BRSK2: variants seen among roughly 807,000 people sequenced by gnomAD.
The protein encoded by BRSK2 is serine/threonine-protein kinase BRSK2.
A neutral mutation model predicts 83.3 loss-of-function variants in BRSK2; 19 were observed. That is an observed-to-expected ratio of 0.23 (90% CI 0.16 to 0.33). BRSK2 has a LOEUF of 0.33. Ranked by LOEUF, BRSK2 falls within the 10% of genes least tolerant of loss-of-function variation. BRSK2 has a pLI of 1.00. For synonymous variants in BRSK2, 519 were observed against 435.4 expected (o/e 1.19, Z -2.39); for missense variants, 798 against 1,042.3 (o/e 0.77, Z 3.23).
At chr11:1,446,028 A>ATGGGCTAAAC (rs1282493170) in intron 12 of BRSK2, 121 bp downstream of exon 12, 101 of 1,143,248 alleles carry the variant, frequency 8.8e-5, no homozygotes, top group Non-Finnish European at 1.1e-4. Context: ...GTGGGGCTGT[A>ATGGGCTAAAC]TGGGCTAAAC....
At chr11:1,435,014 G>T (rs568882912) in intron 1 of BRSK2, among the ~76,000 whole-genome samples, 10 of 151,668 alleles carry the variant, frequency 6.6e-5, no homozygotes, top group Non-Finnish European at 1.5e-5. Flanking sequence ...AGGCGCGGAG[G>T]GGGACCGGGA....
chr11:1,401,172 C>T (rs1199919051), intron 1 of BRSK2, among the ~76,000 whole-genome samples: 1 of 152,348 alleles, frequency 6.6e-6, no homozygotes, highest in African/African-American at 2.4e-5. Flanking sequence ...CCGCAGGCCT[C>T]TAGGCTCCCG....
rs112377266 is a variant in BRSK2 at position 1,454,158 on chromosome 11, GGGGGGGCTCACCTGT to G, written c.1545-309_1545-295del. The G allele has an allele frequency of 5.5e-3, 978 of 178,138 alleles. 6 individuals are homozygous for G. Among genetic ancestry groups the G allele is most frequent in the African/African-American group, 0.02 (789 of 38,982 alleles). The allele number at this position is 178,138 out of a possible 1,614,324, so 11.0% of individuals were successfully genotyped here. A position where few individuals can be genotyped will look rare whatever the true frequency, so the allele number is the denominator to read the frequency against. ...CCACCTCTCACAGCGGCCTTGGTGA[GGGGGGGCTCACCTGT>G]GGGGGGCTCACCTGTGGAGGGGCAT... On this transcript the variant is annotated intron_variant, in intron 15 of 19. Coordinates refer to ENST00000528841, the MANE Select transcript of BRSK2 (RefSeq NM_001256627.2). The surrounding 1 kb of genome is among the most constrained non-coding windows in gnomAD (Gnocchi z 5.2).
chr11:1,397,349 C>T (rs566993183), intron 1 of BRSK2, among the ~76,000 whole-genome samples: 11 of 152,196 alleles, frequency 7.2e-5, no homozygotes, highest in African/African-American at 1.7e-4. Flanking sequence ...TTTCAGGGCC[C>T]GGCCTGCCAG....
chr11:1,411,312 G>C (rs1847470359), intron 1 of BRSK2: 1 of 1,344,644 alleles, frequency 7.4e-7, no homozygotes, highest in African/African-American at 1.5e-5. Context: ...GCCCGGGTGG[G>C]GTCCTGAAGC....
chr11:1,442,724 C>T (rs1851513290), intron 5 of BRSK2, 118 bp downstream of exon 5: 1 of 815,162 alleles, frequency 1.2e-6, no homozygotes, highest in African/African-American at 1.7e-5. Flanking sequence ...ACAGGCAGGC[C>T]CCCCACAATG....
At chr11:1,404,778 C>T (rs1034499608) in intron 1 of BRSK2, among the ~76,000 whole-genome samples, 1 of 152,242 alleles carries the variant, frequency 6.6e-6, no homozygotes, top group Admixed American at 6.5e-5. Context: ...GCCCACTAAG[C>T]AGCTCTATTC....
chr11:1,407,935 T>C (rs1847016342), intron 1 of BRSK2, among the ~76,000 whole-genome samples: 1 of 152,156 alleles, frequency 6.6e-6, no homozygotes, highest in African/African-American at 2.4e-5. Flanking sequence ...GAAGGCCGCC[T>C]GGGTCTCCTG....
chr11:1,426,307 G>A (rs1439997579), intron 1 of BRSK2, among the ~76,000 whole-genome samples: 7 of 152,040 alleles, frequency 4.6e-5, no homozygotes, highest in African/African-American at 1.4e-4. Flanking sequence ...TGTGTGGGGC[G>A]TGCTCTGGGG....
chr11:1,439,387 G>A (rs1204284639), intron 3 of BRSK2, among the ~76,000 whole-genome samples: 1 of 152,118 alleles, frequency 6.6e-6, no homozygotes, highest in Non-Finnish European at 1.5e-5. Flanking sequence ...ATGAGCAGGG[G>A]CTCAGAAACT....
intron 1 of BRSK2, among the ~76,000 whole-genome samples, chr11:1,408,695 CAGGTG>C (rs1847088323): frequency 6.6e-6 from 1 of 152,100 alleles, no homozygotes; most frequent in African/African-American, 2.4e-5. Context: ...GAGAGTGAGT[CAGGTG>C]GGGTGTGTGT....
chr11:1,456,280 C>T lies in BRSK2; in HGVS notation c.1669-68C>T. On this transcript the variant is annotated intron_variant, in intron 16 of 19. Transcript: ENST00000528841. ...ACGGTGGGGCTGGCTCGCCCCAGGGCTGCCTCCCCAGAGGGCCAGGGTGGG... is the reference window on the plus strand; with the variant it reads ...ACGGTGGGGCTGGCTCGCCCCAGGGTTGCCTCCCCAGAGGGCCAGGGTGGG... 11 of 1,447,316 alleles carry T rather than the reference C, an allele frequency of 7.6e-6. No homozygotes were observed. In the South Asian group the frequency reaches 1.3e-4, roughly 17 times the overall value. The allele number at this position is 1,447,316 out of a possible 1,614,324, so 89.7% of individuals were successfully genotyped here. A position where few individuals can be genotyped will look rare whatever the true frequency, so the allele number is the denominator to read the frequency against.
chr11:1,407,204 G>A (rs1846943834), intron 1 of BRSK2, among the ~76,000 whole-genome samples: 1 of 152,132 alleles, frequency 6.6e-6, no homozygotes, highest in Non-Finnish European at 1.5e-5. Flanking sequence ...CCCCACATCT[G>A]ATGTCTCCTT....
chr11:1,399,049 C>T (rs1881507), intron 1 of BRSK2, among the ~76,000 whole-genome samples: 6,408 of 152,304 alleles, frequency 0.042, 487 homozygotes, highest in East Asian at 0.31. Flanking sequence ...TGCGGAATGA[C>T]TCCGTCCCTT....
At chr11:1,456,754 G>C in intron 18 of BRSK2, 67 bp downstream of exon 18, 1 of 1,496,710 alleles carries the variant, frequency 6.7e-7, no homozygotes, top group Non-Finnish European at 9.0e-7. Flanking sequence ...GGTGCTGCGC[G>C]GACGGGAGGC....
Position 1,456,481 on chromosome 11 carries a change from C to T in BRSK2, c.1802C>T (p.Ala601Val), listed in dbSNP as rs750326699. The T allele has an allele frequency of 3.2e-5, 50 of 1,575,050 alleles. No individual in the cohort carries two copies. The highest frequency in any genetic ancestry group is 4.2e-5 in the Non-Finnish European group (49 of 1,159,232). ...ATCACCTACACGGAGGGTGGGGAGG[C>T]GCAGAAGGAGAACGGCATCTACTCC... ...VDITYTEGGE[A>V]QKENGIYSVT... Residue 601 changes from alanine to valine, a missense_variant, in exon 17 of 20, where the codon GCG becomes GTG. Transcript: ENST00000528841.
chr11:1,447,693 A>T, intron 12 of BRSK2: 1 of 1,041,260 alleles, frequency 9.6e-7, no homozygotes, highest in Non-Finnish European at 1.4e-6. Flanking sequence ...CAGCGGCCTC[A>T]GAGCCACGTG....
chr11:1,453,399 C>T (rs886220059), intron 15 of BRSK2, among the ~76,000 whole-genome samples: 2 of 152,236 alleles, frequency 1.3e-5, no homozygotes, highest in Admixed American at 6.5e-5. Flanking sequence ...GGCAGAACAT[C>T]GACCATGTAG....
At chr11:1,400,657 CG>C (rs143837899) in intron 1 of BRSK2, among the ~76,000 whole-genome samples, 24,024 of 152,086 alleles carry the variant, frequency 0.16, 2,328 homozygotes, top group Non-Finnish European at 0.2. Context: ...CAGGTGGTCT[CG>C]GGGGGCAGAT....
Sources: gnomAD v4.1 joint callset for allele counts (sites outside exome capture counted in the v4.1 genomes callset) on GRCh38, gnomAD v4.1.1 for gene constraint, Gnocchi (gnomAD v3.1) non-coding constraint, MANE v1.5 for transcripts, NCBI Gene and HGNC (gene_info 2026-07-23, HGNC 2026-07-21) for gene names.